The following GABRB1 variants were observed in gnomAD, a reference collection of about 807,000 sequenced individuals.
GABRB1 encodes the protein gamma-aminobutyric acid receptor subunit beta-1.
A neutral mutation model predicts 51.6 loss-of-function variants in GABRB1; 17 were observed. The ratio of observed to expected loss-of-function variants is 0.33; its 90% CI spans 0.23 to 0.49. The LOEUF (loss-of-function observed/expected upper bound fraction) is 0.49. Ranked by LOEUF, GABRB1 falls within the 20% of genes least tolerant of loss-of-function variation. The pLI is 0.99. For missense variants in GABRB1, 410 were observed against 600.6 expected, an observed-to-expected ratio of 0.68 and a Z score of 3.32; for synonymous variants, 247 against 218.9, an observed-to-expected ratio of 1.13 and a Z score of -1.14.
chr4:47,229,396 G>T (rs994802932), intron 4 of GABRB1, among the ~76,000 whole-genome samples: 1 of 152,108 alleles, frequency 6.6e-6, no homozygotes, highest in African/African-American at 2.4e-5. Context: ...ACCACACACA[G>T]TTTATTGAAT....
chr4:47,023,512 G>T (rs1425110691), intron 1 of GABRB1, among the ~76,000 whole-genome samples: 2 of 151,824 alleles, frequency 1.3e-5, no homozygotes, highest in Non-Finnish European at 2.9e-5. Context: ...ATTGACAAAA[G>T]AACTGGAGTA....
intron 4 of GABRB1, among the ~76,000 whole-genome samples, chr4:47,267,415 G>T (rs889332267): frequency 6.6e-6 from 1 of 150,584 alleles, no homozygotes; most frequent in African/African-American, 2.4e-5. Context: ...GAAAAGAGAT[G>T]AATAATGAAA....
At chr4:47,267,633 G>A (rs1443136299) in intron 4 of GABRB1, among the ~76,000 whole-genome samples, 1 of 151,820 alleles carries the variant, frequency 6.6e-6, no homozygotes, top group Non-Finnish European at 1.5e-5. Context: ...CATCTCTACT[G>A]AAAATATAAA....
chr4:47,122,379 A>C (rs2109650985), intron 3 of GABRB1, among the ~76,000 whole-genome samples: 1 of 152,262 alleles, frequency 6.6e-6, no homozygotes, highest in African/African-American at 2.4e-5. Context: ...CATGATTATC[A>C]GTTAAGGTCC....
Position 47,161,475 on chromosome 4 carries a change from T to C in GABRB1, c.461+6T>C. ...ACAGTTCTCTATGGACTCCGGTAAATGGCTTTATGTTGCATGTTTTAATGT... is the reference window on the plus strand; with the variant it reads ...ACAGTTCTCTATGGACTCCGGTAAACGGCTTTATGTTGCATGTTTTAATGT... On this transcript the variant is annotated splice_donor_region_variant and intron_variant, in intron 4 of 8. Transcript: ENST00000295454. 2 of 1,605,030 alleles carry C rather than the reference T, an allele frequency of 1.2e-6. No individual in the cohort carries two copies. The highest frequency in any genetic ancestry group is 1.7e-6 in the Non-Finnish European group (2 of 1,172,824).
chr4:47,341,434 T>C (rs1278594879), intron 5 of GABRB1, among the ~76,000 whole-genome samples: 1 of 152,216 alleles, frequency 6.6e-6, no homozygotes, highest in Non-Finnish European at 1.5e-5. Flanking sequence ...TGTCTGACCC[T>C]CATAAACATC....
chr4:47,110,112 G>A (rs1010892541), intron 3 of GABRB1, among the ~76,000 whole-genome samples: 1 of 152,144 alleles, frequency 6.6e-6, no homozygotes, highest in Non-Finnish European at 1.5e-5. Context: ...AATGTGTCTA[G>A]CTTGAAGTTA....
At chr4:47,298,643 C>T (rs971920163) in intron 4 of GABRB1, among the ~76,000 whole-genome samples, 2 of 152,114 alleles carry the variant, frequency 1.3e-5, no homozygotes, top group African/African-American at 2.4e-5. Context: ...GAATCAATAT[C>T]GTAAAAATGG....
chr4:47,050,834 T>C (rs1726318493), intron 3 of GABRB1, among the ~76,000 whole-genome samples: 1 of 152,198 alleles, frequency 6.6e-6, no homozygotes, highest in Non-Finnish European at 1.5e-5. Context: ...TTGTCTTCCA[T>C]TTTTCCATTC....
intron 5 of GABRB1, among the ~76,000 whole-genome samples, chr4:47,367,362 A>T (rs1053391817): frequency 1.3e-5 from 2 of 152,206 alleles, no homozygotes; most frequent in African/African-American, 2.4e-5. Context: ...TCACATCTCC[A>T]TTGGCAGAAA....
At chr4:47,276,833 A>G (rs991669756) in intron 4 of GABRB1, among the ~76,000 whole-genome samples, 1 of 152,126 alleles carries the variant, frequency 6.6e-6, no homozygotes, top group African/African-American at 2.4e-5. Context: ...CGAAGCCAGT[A>G]GCGTACCACC....
chr4:47,261,711 C>A (rs897227507), intron 4 of GABRB1, among the ~76,000 whole-genome samples: 14 of 152,034 alleles, frequency 9.2e-5, no homozygotes, highest in Admixed American at 3.9e-4. Context: ...TCATATGGAA[C>A]CAAAAAAGAG....
chr4:47,044,315 G>C (rs1363081943), intron 3 of GABRB1, among the ~76,000 whole-genome samples: 2 of 152,000 alleles, frequency 1.3e-5, no homozygotes, highest in Non-Finnish European at 2.9e-5. Context: ...AATCTTTTAA[G>C]TCCAGACACT....
chr4:47,042,447 G>A (rs952865194), intron 3 of GABRB1, among the ~76,000 whole-genome samples: 42 of 115,626 alleles, frequency 3.6e-4, no homozygotes, highest in Non-Finnish European at 6.7e-4. Flanking sequence ...TATAAAATAC[G>A]TGTGTGAGTA....
At chr4:46,997,280 C>T (rs1268846219) in intron 1 of GABRB1, among the ~76,000 whole-genome samples, 1 of 151,862 alleles carries the variant, frequency 6.6e-6, no homozygotes, top group Non-Finnish European at 1.5e-5. Flanking sequence ...ACATATCCAC[C>T]ACCTTACATA....
intron 5 of GABRB1, among the ~76,000 whole-genome samples, chr4:47,344,272 T>C (rs1331734927): frequency 6.6e-6 from 1 of 152,180 alleles, no homozygotes; most frequent in Non-Finnish European, 1.5e-5. Flanking sequence ...TCAAAATTCT[T>C]CCCTGCTGTC....
At chr4:47,248,449 A>G (rs909537302) in intron 4 of GABRB1, among the ~76,000 whole-genome samples, 3 of 151,914 alleles carry the variant, frequency 2.0e-5, no homozygotes, top group Non-Finnish European at 4.4e-5. Flanking sequence ...TTTAGCATCT[A>G]TGTTCATCAA....
intron 1 of GABRB1, among the ~76,000 whole-genome samples, chr4:47,016,914 A>G (rs1269299402): frequency 3.3e-5 from 5 of 152,238 alleles, no homozygotes; most frequent in South Asian, 2.1e-4. Flanking sequence ...AGTGAGCAAA[A>G]TGATGTTTTT....
chr4:47,262,964 G>A (rs929688203), intron 4 of GABRB1, among the ~76,000 whole-genome samples: 2 of 145,600 alleles, frequency 1.4e-5, no homozygotes, highest in South Asian at 2.2e-4. Flanking sequence ...AACACCGCAT[G>A]TTCTCACTCA....
Sources: gnomAD v4.1 joint callset for allele counts (sites outside exome capture counted in the v4.1 genomes callset) on GRCh38, gnomAD v4.1.1 for gene constraint, MANE v1.5 for transcripts, NCBI Gene and HGNC (gene_info 2026-07-23, HGNC 2026-07-21) for gene names.